Variants in DOK7 observed in about 807,000 individuals in gnomAD.
DOK7 encodes the protein protein Dok-7.
In DOK7, 32 loss-of-function variants were observed where a neutral mutation model predicts 30.7. That is an observed-to-expected ratio of 1.04 (90% CI 0.79 to 1.40). The LOEUF (loss-of-function observed/expected upper bound fraction) is 1.40. Among genes scored for constraint, DOK7 ranks in the 40% most tolerant of loss-of-function variants. The pLI is 0.00. For missense variants in DOK7, 1,007 were observed against 699.2 expected (o/e 1.44, Z -4.97); for synonymous variants, 447 against 324.1 (o/e 1.38, Z -4.07).
At position 3,493,617 on chromosome 4, in the gene DOK7, G is replaced by C; in HGVS notation, c.*116G>C. ...CTCTGTGTTCTGTGGGAGGGACCGGGGGTCTCCCGGAGAGGGGAGCTGGAG... is the reference window on the plus strand; with the variant it reads ...CTCTGTGTTCTGTGGGAGGGACCGGCGGTCTCCCGGAGAGGGGAGCTGGAG... On this transcript the variant is annotated 3_prime_UTR_variant, in exon 7 of 7. Transcript: ENST00000340083. 2 of 1,504,810 alleles carry C rather than the reference G, an allele frequency of 1.3e-6. No individual in the cohort carries two copies. Among genetic ancestry groups the C allele is most frequent in the South Asian group, 2.6e-5 (2 of 77,436 alleles). 93.2% of individuals were successfully genotyped at this position (1,504,810 alleles called of 1,614,324 possible).
downstream of DOK7, among the ~76,000 whole-genome samples, chr4:3,497,075 G>A (rs747165524): frequency 6.6e-6 from 1 of 151,838 alleles, no homozygotes; most frequent in Non-Finnish European, 1.5e-5. Context: ...GACAGTGGTT[G>A]CTGGGTGGCA....
At chr4:3,467,564 C>CGT (rs376864280) in intron 2 of DOK7, among the ~76,000 whole-genome samples, 7 of 150,752 alleles carry the variant, frequency 4.6e-5, no homozygotes, top group South Asian at 2.1e-4. Flanking sequence ...TGTGCACGTG[C>CGT]GTGTGTGTGT....
intron 3 of DOK7, among the ~76,000 whole-genome samples, chr4:3,475,529 C>G (rs576188654): frequency 3.4e-4 from 52 of 152,336 alleles, no homozygotes; most frequent in Non-Finnish European, 6.9e-4. Flanking sequence ...GGACCACTGT[C>G]CTCTCTGAGG....
intron 2 of DOK7, among the ~76,000 whole-genome samples, chr4:3,468,540 A>G (rs201892992): frequency 4.4e-4 from 41 of 93,172 alleles, no homozygotes; most frequent in African/African-American, 2.1e-3. Context: ...CTGTGAGTGT[A>G]TGTGTGTGTG....
exon 8 of DOK7, chr4:3,500,965 G>C: frequency 7.5e-7 from 1 of 1,334,496 alleles, no homozygotes; most frequent in East Asian, 2.6e-5. Context: ...CGGTCTCCGG[G>C]CCATGGTGCA....
Position 3,492,675 on chromosome 4 carries a change from C to A in DOK7, c.773-84C>A. On this transcript the variant is annotated intron_variant, in intron 6 of 6. Transcript: ENST00000340083. Reference sequence around the variant, plus strand: ...TGGGGCGAGACCAGAGAGTGCTGGCCTGTGGGGGTCCACCAGGCATCAGCC... The same window carrying A: ...TGGGGCGAGACCAGAGAGTGCTGGCATGTGGGGGTCCACCAGGCATCAGCC... 1.9e-6 allele frequency: 3 copies of A among 1,575,760 alleles called. No individual in the cohort carries two copies. In the South Asian group the frequency reaches 3.4e-5, roughly 18 times the overall value.
In DOK7 at chr4:3,492,093, AG is replaced by A. The variant is rs1254296905; in HGVS notation, c.773-664del. Among the ~76,000 whole-genome samples the A allele has an allele frequency of 2.5e-4, 38 of 152,324 alleles. 1 individual carries two copies. Among genetic ancestry groups the A allele is most frequent in the South Asian group, 1.7e-3 (8 of 4,830 alleles). ...ATTTGGGAGCCCTGGAAGGCAGAGC[AG>A]GCAGCTTAGAGACGCAGCAGAGATG... On this transcript the variant is annotated intron_variant, in intron 6 of 6. Coordinates refer to ENST00000340083, the MANE Select transcript of DOK7 (RefSeq NM_173660.5).
chr4:3,489,484 C>T (rs1437516142), intron 5 of DOK7, among the ~76,000 whole-genome samples, 193 bp from the exon 6 acceptor site: 1 of 152,132 alleles, frequency 6.6e-6, no homozygotes, highest in Non-Finnish European at 1.5e-5. Context: ...GCATGGTGGC[C>T]TGGATAGGGG....
chr4:3,486,313 A>G (rs1450058511), intron 5 of DOK7, among the ~76,000 whole-genome samples: 2 of 152,218 alleles, frequency 1.3e-5, no homozygotes, highest in East Asian at 3.9e-4. Context: ...GTGCTGGGCC[A>G]GGTGCCTCCA....
At position 3,492,818 on chromosome 4, in the gene DOK7, A is replaced by T; in HGVS notation, c.832A>T (p.Ser278Cys). The T allele has an allele frequency of 6.2e-7, 1 of 1,612,660 alleles. No homozygotes were observed. The highest frequency in any genetic ancestry group is 8.5e-7 in the Non-Finnish European group (1 of 1,179,956). The change falls in exon 7 of 7, where the codon AGC becomes TGC. Residue 278 changes from serine (S) to cysteine (C), a missense_variant. Coordinates refer to ENST00000340083, the MANE Select transcript of DOK7 (RefSeq NM_173660.5). ...SEASHLDVSA[S>C]SRLTAWPEQS... ...GGCCAGTCACTTGGACGTCAGCGCCAGCAGCCGGCTCACCGCATGGCCAGA... is the reference window on the plus strand; with the variant it reads ...GGCCAGTCACTTGGACGTCAGCGCCTGCAGCCGGCTCACCGCATGGCCAGA...
intron 3 of DOK7, among the ~76,000 whole-genome samples, chr4:3,473,853 C>T (rs907328997): frequency 7.9e-5 from 12 of 152,160 alleles, no homozygotes; most frequent in Admixed American, 3.3e-4. Context: ...TTAGAGCTCC[C>T]TAGCCTGACC....
Position 3,463,380 on chromosome 4 carries a change from C to G in DOK7, c.5C>G (p.Thr2Ser). ...GGCGCGGAACCATGACAGAAGATGA[C>G]CGAGGCGGCGCTGGTGGAGGGCCAG... The part of the protein sequence containing the change: M[T>S]EAALVEGQVK... The change falls in exon 1 of 7, where the codon ACC (threonine) becomes AGC (serine). Residue 2 changes from threonine to serine, a missense_variant. Coordinates refer to ENST00000340083, the MANE Select transcript of DOK7 (RefSeq NM_173660.5). 1 of 1,493,260 alleles carries G rather than the reference C, an allele frequency of 6.7e-7. No individual in the cohort carries two copies. 92.5% of individuals were successfully genotyped at this position (1,493,260 alleles called of 1,614,324 possible).
intron 2 of DOK7, among the ~76,000 whole-genome samples, chr4:3,472,671 A>G (rs909184483): frequency 6.6e-6 from 1 of 152,252 alleles, no homozygotes; most frequent in Non-Finnish European, 1.5e-5. Context: ...TGGAGTAGAC[A>G]GCACCAGCCG....
chr4:3,485,256 C>T, intron 4 of DOK7: 1 of 367,808 alleles, frequency 2.7e-6, no homozygotes. Context: ...GGCGGGGCAG[C>T]ACTCACCCCA....
chr4:3,500,874 C>T (rs1158328786), exon 8 of DOK7: 62 of 1,478,228 alleles, frequency 4.2e-5, no homozygotes, highest in Admixed American at 6.8e-5. Flanking sequence ...TGTGCGGCCC[C>T]GTGGCCCCCG....
At chr4:3,497,836 T>C (rs939985685), downstream of DOK7, among the ~76,000 whole-genome samples, 8 of 152,080 alleles carry the variant, frequency 5.3e-5, no homozygotes, top group African/African-American at 1.9e-4. Flanking sequence ...TGCAGTCCAG[T>C]GTGCTGAGGC....
At chr4:3,467,614 G>A (rs10937926) in intron 2 of DOK7, among the ~76,000 whole-genome samples, 72,210 of 151,744 alleles carry the variant, frequency 0.48, 17,541 homozygotes, top group African/African-American at 0.54. Context: ...CCGTGGGAGC[G>A]TGTGCACGTG....
chr4:3,492,904 C>A lies in DOK7; in HGVS notation c.918C>A (p.Ala306=). The A allele has an allele frequency of 1.3e-6, 2 of 1,578,282 alleles. No individual in the cohort carries two copies. The highest frequency in any genetic ancestry group is 2.3e-5 in the East Asian group (1 of 42,714). ...QEGPRPAAAQ[A]AGEAMVGASR... Reference sequence around the variant, plus strand: ...GGCCTAGACCAGCAGCTGCCCAGGCCGCCGGGGAAGCCATGGTGGGTGCCT... The same window carrying A: ...GGCCTAGACCAGCAGCTGCCCAGGCAGCCGGGGAAGCCATGGTGGGTGCCT... Residue 306 remains alanine, a synonymous_variant, in exon 7 of 7, where the codon GCC becomes GCA. Coordinates refer to ENST00000340083, the MANE Select transcript of DOK7 (RefSeq NM_173660.5).
At chr4:3,498,046 G>A (rs1729009012), downstream of DOK7, among the ~76,000 whole-genome samples, 1 of 152,196 alleles carries the variant, frequency 6.6e-6, no homozygotes, top group Non-Finnish European at 1.5e-5. Context: ...GAGGCCGGGG[G>A]CTCAGGAGGG....
Sources: gnomAD v4.1 joint callset for allele counts (sites outside exome capture counted in the v4.1 genomes callset) on GRCh38, gnomAD v4.1.1 for gene constraint, MANE v1.5 for transcripts, NCBI Gene and HGNC (gene_info 2026-07-23, HGNC 2026-07-21) for gene names.